Variants in KCNJ6 observed in about 807,000 individuals in gnomAD.
The protein encoded by KCNJ6 is potassium inwardly rectifying channel subfamily J member 6.
In KCNJ6, 9 loss-of-function variants were observed where a neutral mutation model predicts 34.2. The ratio of observed to expected loss-of-function variants is 0.26; its 90% CI spans 0.16 to 0.46. The LOEUF is 0.46. Among genes scored for constraint, KCNJ6 ranks in the 20% least tolerant of loss-of-function variants. The pLI is 1.00. For missense variants in KCNJ6, 236 were observed against 531.3 expected (o/e 0.44, Z 5.46); for synonymous variants, 196 against 207.1 (o/e 0.95, Z 0.46).
At chr21:37,819,829 C>T (rs539798323) in intron 2 of KCNJ6, among the ~76,000 whole-genome samples, 1 of 151,348 alleles carries the variant, frequency 6.6e-6, no homozygotes, top group African/African-American at 2.4e-5. Context: ...AGTTTCACTC[C>T]TTGGAATGCA....
intron 2 of KCNJ6, among the ~76,000 whole-genome samples, chr21:37,771,274 T>C (rs1008190643): frequency 6.6e-6 from 1 of 152,158 alleles, no homozygotes; most frequent in Non-Finnish European, 1.5e-5. Flanking sequence ...CAGTTGACTT[T>C]GAGTGTGAGA....
intron 1 of KCNJ6, among the ~76,000 whole-genome samples, chr21:37,845,402 G>C (rs919441174): frequency 6.6e-6 from 1 of 152,072 alleles, no homozygotes; most frequent in African/African-American, 2.4e-5. Context: ...CGGGGAGAGA[G>C]AGAAAGAGAG....
intron 3 of KCNJ6, among the ~76,000 whole-genome samples, chr21:37,657,633 G>C: frequency 6.6e-6 from 1 of 152,300 alleles, no homozygotes; most frequent in Non-Finnish European, 1.5e-5. Context: ...AGCTGGGATC[G>C]TTGGGTGCCT....
chr21:37,722,865 C>T (rs1272165664), intron 2 of KCNJ6, among the ~76,000 whole-genome samples: 1 of 152,200 alleles, frequency 6.6e-6, no homozygotes, highest in Non-Finnish European at 1.5e-5. Flanking sequence ...CCATTCTGGA[C>T]ATCAGCCTTC....
At chr21:37,909,803 G>A (rs2055858718) in intron 1 of KCNJ6, among the ~76,000 whole-genome samples, 1 of 152,180 alleles carries the variant, frequency 6.6e-6, no homozygotes, top group Non-Finnish European at 1.5e-5. Context: ...AGGTCACATA[G>A]TTAGCATAGT....
intron 1 of KCNJ6, among the ~76,000 whole-genome samples, chr21:37,887,474 A>G (rs2055741576): frequency 6.6e-6 from 1 of 152,236 alleles, no homozygotes; most frequent in Middle Eastern, 3.2e-3. Flanking sequence ...TCAGCAGTGA[A>G]TAAGACAAAG....
At chr21:37,709,125 C>A (rs74619917) in intron 3 of KCNJ6, among the ~76,000 whole-genome samples, 2,205 of 135,816 alleles carry the variant, frequency 0.016, 37 homozygotes, top group African/African-American at 0.054. Context: ...GAATTGATAA[C>A]ATTTGGAAAC....
At chr21:37,848,821 A>G (rs1246973763) in intron 1 of KCNJ6, among the ~76,000 whole-genome samples, 1 of 152,148 alleles carries the variant, frequency 6.6e-6, no homozygotes, top group Non-Finnish European at 1.5e-5. Context: ...GTTGGACCAC[A>G]TGGCTGCCAG....
At chr21:37,705,735 C>T (rs1379212626) in intron 3 of KCNJ6, among the ~76,000 whole-genome samples, 3 of 152,184 alleles carry the variant, frequency 2.0e-5, no homozygotes, top group Admixed American at 1.3e-4. Flanking sequence ...TGTCTGATCT[C>T]AGTCTTCACC....
chr21:37,703,095 C>T (rs1457971217), intron 3 of KCNJ6, among the ~76,000 whole-genome samples: 1 of 152,046 alleles, frequency 6.6e-6, no homozygotes, highest in Non-Finnish European at 1.5e-5. Flanking sequence ...AGGGACATGG[C>T]ACCAAAAGAA....
At chr21:37,823,545 A>G (rs1053981822) in intron 2 of KCNJ6, among the ~76,000 whole-genome samples, 4 of 152,142 alleles carry the variant, frequency 2.6e-5, no homozygotes, top group African/African-American at 9.7e-5. Flanking sequence ...TCTGATAGTT[A>G]GTGAGTTATC....
intron 1 of KCNJ6, among the ~76,000 whole-genome samples, chr21:37,902,514 T>C (rs1008817084): frequency 7.2e-5 from 11 of 152,228 alleles, no homozygotes; most frequent in African/African-American, 2.4e-4. Context: ...AAGATAACTA[T>C]TTTCAATAGT....
chr21:37,713,619 T>C (rs1437093322), intron 3 of KCNJ6, among the ~76,000 whole-genome samples: 1 of 152,190 alleles, frequency 6.6e-6, no homozygotes, highest in Non-Finnish European at 1.5e-5. Flanking sequence ...TTAAGATGAA[T>C]GGATCTTCAA....
chr21:37,635,020 G>A (rs143435065), intron 3 of KCNJ6, among the ~76,000 whole-genome samples: 2,014 of 152,166 alleles, frequency 0.013, 41 homozygotes, highest in African/African-American at 0.046. Flanking sequence ...GCCTCCCAAA[G>A]TGTGGGATTA....
At chr21:37,869,511 C>T (rs528601286) in intron 1 of KCNJ6, among the ~76,000 whole-genome samples, 13 of 152,310 alleles carry the variant, frequency 8.5e-5, no homozygotes, top group African/African-American at 2.4e-4. Context: ...ACATTTGCCT[C>T]GGGCTTTTAC....
chr21:37,671,985 G>C (rs1011491309), intron 3 of KCNJ6, among the ~76,000 whole-genome samples: 16 of 152,084 alleles, frequency 1.1e-4, no homozygotes, highest in Non-Finnish European at 1.8e-4. Context: ...CTCTGTATAA[G>C]ATCATGTTAT....
intron 1 of KCNJ6, among the ~76,000 whole-genome samples, chr21:37,879,427 A>G (rs2055695397): frequency 6.6e-6 from 1 of 152,120 alleles, no homozygotes; most frequent in Non-Finnish European, 1.5e-5. Flanking sequence ...TCTGCACTGG[A>G]AAAAGGCAGC....
At chr21:37,786,961 A>G (rs1293453618) in intron 2 of KCNJ6, among the ~76,000 whole-genome samples, 2 of 152,178 alleles carry the variant, frequency 1.3e-5, no homozygotes, top group African/African-American at 4.8e-5. Flanking sequence ...AATTCCTTTA[A>G]AGCCAGGCAC....
At chr21:37,858,441 C>T (rs1435455615) in intron 1 of KCNJ6, among the ~76,000 whole-genome samples, 2 of 139,318 alleles carry the variant, frequency 1.4e-5, no homozygotes, top group African/African-American at 5.2e-5. Context: ...AAGCTCAATT[C>T]TTAATATTGA....
Sources: allele counts gnomAD v4.1 joint callset (sites outside exome capture counted in the v4.1 genomes callset), GRCh38; gene constraint gnomAD v4.1.1; transcripts MANE v1.5; gene names NCBI Gene and HGNC (gene_info 2026-07-23, HGNC 2026-07-21).